Variants in GNAS observed in about 807,000 individuals in gnomAD.
The protein encoded by GNAS is protein ALEX.
A neutral mutation model predicts 54.5 loss-of-function variants in GNAS; 8 were observed. That is an observed-to-expected ratio of 0.15 (90% CI 0.09 to 0.26). The LOEUF is 0.26. Ranked by LOEUF, GNAS falls within the 10% of genes least tolerant of loss-of-function variation. The pLI, the probability that GNAS is intolerant of heterozygous loss-of-function variation, is 1.00. For missense variants in GNAS, 170 were observed against 529.8 expected (o/e 0.32, Z 6.67); for synonymous variants, 204 against 191.4 (o/e 1.07, Z -0.54).
At chr20:58,888,365 G>A (rs968854512), upstream of GNAS, 1 of 152,220 alleles carries the variant, frequency 6.6e-6, no homozygotes, top group South Asian at 2.1e-4. Context: ...ACACCATGGT[G>A]GCAGCAGATG....
At position 58,853,507 on chromosome 20, in the gene GNAS, T is replaced by G. The variant is rs2086270336; in HGVS notation, c.43+12621T>G. 1 of 1,613,140 alleles carries G rather than the reference T, an allele frequency of 6.2e-7. No individual in the cohort carries two copies. Among genetic ancestry groups the G allele is most frequent in the East Asian group, 2.2e-5 (1 of 44,872 alleles). ...GTCTCCAGACCCAACTTTCAGGTCC[T>G]CAACCCGGCATTCAGGGAAGCTGGA... is the stretch of plus-strand genomic sequence containing the variant. On this transcript the variant is annotated intron_variant, in intron 1 of 12. Coordinates refer to the GNAS transcript ENST00000306090. The surrounding 1 kb of genome is among the most constrained non-coding windows in gnomAD (Gnocchi z 4.4).
At chr20:58,888,705 T>C (rs2088782299), upstream of GNAS, 1 of 151,984 alleles carries the variant, frequency 6.6e-6, no homozygotes, top group Admixed American at 6.5e-5. Flanking sequence ...ATCGCACTTT[T>C]CTCGTCCGAA....
At chr20:58,901,343 A>C (rs1481549585) in intron 3 of GNAS, among the ~76,000 whole-genome samples, 2 of 152,222 alleles carry the variant, frequency 1.3e-5, no homozygotes, top group Non-Finnish European at 2.9e-5. Flanking sequence ...GATTCTGCAC[A>C]TACAAAGCAG....
At chr20:58,872,999 G>C (rs1424669818) in intron 1 of GNAS, among the ~76,000 whole-genome samples, 1 of 152,214 alleles carries the variant, frequency 6.6e-6, no homozygotes, top group African/African-American at 2.4e-5. Context: ...GGGCTGACCT[G>C]CCTCTCAGTT....
chr20:58,841,495 A>C lies in GNAS; in HGVS notation c.43+609A>C. The C allele has an allele frequency of 1.0e-6, 1 of 990,592 alleles. No homozygotes were observed. The highest frequency in any genetic ancestry group is 1.2e-6 in the Non-Finnish European group (1 of 833,778). 61.4% of individuals were successfully genotyped at this position (990,592 alleles called of 1,614,324 possible). The stretch of plus-strand genomic sequence containing the variant: ...CGGAGCCCAGGTCCCAGAGCTGACA[A>C]TTAAGCCGCGGGACCTCCGCGCCAG... On this transcript the variant is annotated intron_variant, in intron 1 of 12. Coordinates refer to the GNAS transcript ENST00000306090. The surrounding 1 kb of genome is among the most constrained non-coding windows in gnomAD (Gnocchi z 5.0).
rs544683035 is a variant in GNAS at position 58,873,569 on chromosome 20, G to A, written c.44-22043G>A. Among the ~76,000 whole-genome samples, 66 of 152,268 alleles carry A rather than the reference G, an allele frequency of 4.3e-4. No homozygotes were observed. The highest frequency in any genetic ancestry group is 8.7e-4 in the Non-Finnish European group (59 of 68,020). ...TAATTTTTTGGTTAACTTGAAGGTCGAAATAGCCTTACTCCTTTTTGTCTG... is the reference window on the plus strand; with the variant it reads ...TAATTTTTTGGTTAACTTGAAGGTCAAAATAGCCTTACTCCTTTTTGTCTG... On this transcript the variant is annotated intron_variant, in intron 1 of 12. Coordinates refer to the GNAS transcript ENST00000306090. This position sits in a 1 kb window ranked among gnomAD's most constrained non-coding sequence, Gnocchi z 4.3.
At chr20:58,886,264 T>TCTC (rs1331556442) in intron 1 of GNAS, among the ~76,000 whole-genome samples, 1 of 152,206 alleles carries the variant, frequency 6.6e-6, no homozygotes, top group African/African-American at 2.4e-5. Flanking sequence ...CGAGGCCATA[T>TCTC]CTCCATGTAG....
intron 2 of GNAS, chr20:58,897,749 G>A (rs1023515188): frequency 2.6e-5 from 4 of 152,184 alleles, no homozygotes; most frequent in Admixed American, 6.5e-5. Context: ...GCCTGTGAGA[G>A]GGTTTACAGG....
At chr20:58,849,160 G>GT (rs2086054014) in intron 1 of GNAS, among the ~76,000 whole-genome samples, 1 of 152,108 alleles carries the variant, frequency 6.6e-6, no homozygotes, top group Non-Finnish European at 1.5e-5. Flanking sequence ...CATCTAGTGG[G>GT]TAGAGGCTAG....
chr20:58,886,761 G>A (rs2088617527), upstream of GNAS, among the ~76,000 whole-genome samples: 1 of 152,254 alleles, frequency 6.6e-6, no homozygotes. Context: ...AAAACAGACA[G>A]CCTAGCTGAC....
intron 1 of GNAS, among the ~76,000 whole-genome samples, chr20:58,885,177 GA>G (rs1339929183): frequency 6.6e-6 from 1 of 152,224 alleles, no homozygotes; most frequent in African/African-American, 2.4e-5. Context: ...GATGTGGTGA[GA>G]AAGGCACTGA....
intron 1 of GNAS, among the ~76,000 whole-genome samples, chr20:58,870,844 C>T (rs78118784): frequency 3.3e-5 from 5 of 152,276 alleles, no homozygotes; most frequent in Non-Finnish European, 7.4e-5. Flanking sequence ...CACACTTGGC[C>T]GGGCGCCTTT....
chr20:58,839,950 T>A (rs1462977553), upstream of GNAS: 15 of 717,172 alleles, frequency 2.1e-5, no homozygotes, highest in Non-Finnish European at 2.8e-5. Context: ...GGTAGGTGCT[T>A]CCCTTTTTCT....
At chr20:58,886,926 TTTTTG>T (rs2088630700), upstream of GNAS, among the ~76,000 whole-genome samples, 1 of 152,220 alleles carries the variant, frequency 6.6e-6, no homozygotes, top group African/African-American at 2.4e-5. Flanking sequence ...ACTTAAAAAA[TTTTTG>T]TTTTGAAGAG....
At chr20:58,893,126 C>T (rs1292082108) in intron 1 of GNAS, among the ~76,000 whole-genome samples, 6 of 122,790 alleles carry the variant, frequency 4.9e-5, no homozygotes, top group African/African-American at 9.9e-5. Context: ...TGAGAGTGCT[C>T]TAAGGAGACT....
At chr20:58,844,178 A>T (rs1433662551) in intron 1 of GNAS, 1 of 152,214 alleles carries the variant, frequency 6.6e-6, no homozygotes, top group Non-Finnish European at 1.5e-5. Context: ...TTTGAGAGGA[A>T]ACTGAGCAGA....
chr20:58,863,514 T>C lies in GNAS; in HGVS notation c.43+22628T>C, dbSNP rs2086884074. On this transcript the variant is annotated intron_variant, in intron 1 of 12. Coordinates refer to the GNAS transcript ENST00000306090. This position sits in a 1 kb window ranked among gnomAD's most constrained non-coding sequence, Gnocchi z 4.1. ...TATGAGTCAGTCAATGTTTCCGACA[T>C]TGTCACACACACACTGTGTGTGGGA... 1 of 152,180 alleles carries C rather than the reference T, an allele frequency of 6.6e-6. No individual in the cohort carries two copies. The highest frequency in any genetic ancestry group is 1.5e-5 in the Non-Finnish European group (1 of 68,036). The allele number at this position is 152,180 out of a possible 1,614,324, so 9.4% of individuals were successfully genotyped here.
chr20:58,910,217 A>G lies in GNAS; in HGVS notation c.971-117A>G, dbSNP rs1046965498. The G allele has an allele frequency of 3.3e-5, 42 of 1,254,060 alleles. No homozygotes were observed. Among genetic ancestry groups the G allele is most frequent in the Admixed American group, 2.4e-4 (14 of 59,478 alleles). 77.7% of individuals were successfully genotyped at this position (1,254,060 alleles called of 1,614,324 possible). A position where few individuals can be genotyped will look rare whatever the true frequency, so the allele number is the denominator to read the frequency against. ...AGAGAAGCAAGAAAAACGCACTCCC[A>G]CTAATTCTCATATGGAAAAATCAGG... On this transcript the variant is annotated intron_variant, in intron 11 of 12. Transcript: ENST00000371085. This position sits in a 1 kb window ranked among gnomAD's most constrained non-coding sequence, Gnocchi z 5.8.
At chr20:58,854,857 C>A (rs1004323506) in intron 1 of GNAS, 104 of 1,597,136 alleles carry the variant, frequency 6.5e-5, no homozygotes, top group Non-Finnish European at 8.2e-5. Flanking sequence ...CTCAGACCCC[C>A]CAGCCCCGAG....
Sources: allele counts gnomAD v4.1 joint callset (sites outside exome capture counted in the v4.1 genomes callset), GRCh38; gene constraint gnomAD v4.1.1; non-coding constraint Gnocchi (gnomAD v3.1); transcripts MANE v1.5; gene names NCBI Gene and HGNC (gene_info 2026-07-23, HGNC 2026-07-21).